MTA3: variants seen among roughly 807,000 people sequenced by gnomAD.
MTA3 encodes metastasis associated 1 family member 3, also known as metastasis-associated protein MTA3.
In MTA3, 34 loss-of-function variants were observed where a neutral mutation model predicts 83.5. That is an observed-to-expected ratio of 0.41 (90% CI 0.31 to 0.54). The LOEUF (loss-of-function observed/expected upper bound fraction) is 0.54. MTA3 is among the 20% of genes least tolerant of loss of function. The pLI is 0.33. For synonymous variants in MTA3, 303 were observed against 252.7 expected, an observed-to-expected ratio of 1.20 and a Z score of -1.89; for missense variants, 761 against 726.4, an observed-to-expected ratio of 1.05 and a Z score of -0.55.
chr2:42,659,657 C>G (rs1383853805), intron 7 of MTA3, 106 bp from the exon 8 acceptor site: 1 of 773,162 alleles, frequency 1.3e-6, no homozygotes, highest in Non-Finnish European at 1.8e-6. Flanking sequence ...TTTGCCTCTT[C>G]TTTTACAGTT....
intron 8 of MTA3, among the ~76,000 whole-genome samples, chr2:42,672,674 A>G (rs1327586023): frequency 5.1e-4 from 72 of 141,562 alleles, no homozygotes; most frequent in African/African-American, 1.7e-3. Context: ...AAAAAAAAAA[A>G]GTAATCAAAA....
At position 42,681,906 on chromosome 2, in the gene MTA3, A is replaced by G. The variant is rs527983602; in HGVS notation, c.703-495A>G. Among the ~76,000 whole-genome samples, 6 of 152,068 alleles carry G rather than the reference A, an allele frequency of 3.9e-5. No homozygotes were observed. In the East Asian group the frequency reaches 9.6e-4, roughly 24 times the overall value. ...AGCCTATCTCAAAAAAAGAAAGAAA[A>G]AAAAAAGGTAAATAAATAAAAAAAA... On this transcript the variant is annotated intron_variant, in intron 8 of 16. Coordinates refer to ENST00000405094, the MANE Select transcript of MTA3 (RefSeq NM_001330442.2).
intron 3 of MTA3, among the ~76,000 whole-genome samples, chr2:42,588,212 G>A (rs907154887): frequency 6.6e-6 from 1 of 152,094 alleles, no homozygotes; most frequent in Non-Finnish European, 1.5e-5. Context: ...CTTTCATTCT[G>A]TTCCTCATGT....
chr2:42,647,039 C>CCAGCTACT (rs1688263122), intron 6 of MTA3, among the ~76,000 whole-genome samples: 1 of 149,696 alleles, frequency 6.7e-6, no homozygotes. Flanking sequence ...GCCTATAGTC[C>CCAGCTACT]CAGCTACTCG....
chr2:42,544,703 A>T (rs1475331903), intron 2 of MTA3, among the ~76,000 whole-genome samples: 2 of 151,910 alleles, frequency 1.3e-5, no homozygotes, highest in Admixed American at 6.6e-5. Context: ...TAAAAAAAAC[A>T]GTGATATTCC....
chr2:42,658,469 G>A lies in MTA3; in HGVS notation c.603-1294G>A, dbSNP rs572706721. 8.5e-5 allele frequency among the ~76,000 whole-genome samples: 13 copies of A among 152,258 alleles called. No individual in the cohort carries two copies. In the South Asian group the frequency reaches 1.7e-3, roughly 19 times the overall value. On this transcript the variant is annotated intron_variant, in intron 7 of 16. Transcript: ENST00000405094. The stretch of plus-strand genomic sequence containing the variant: ...ATGAGACGTCGTACAACGGAATGTC[G>A]CGTAACAGGGAAAATGAGTGAATAC...
chr2:42,531,653 A>G (rs541492636), intron 2 of MTA3, among the ~76,000 whole-genome samples: 13 of 150,218 alleles, frequency 8.7e-5, no homozygotes, highest in Non-Finnish European at 1.8e-4. Context: ...AGGTTTCACC[A>G]TATTGGCCAG....
intron 10 of MTA3, among the ~76,000 whole-genome samples, chr2:42,697,510 A>G (rs1375748131): frequency 6.6e-6 from 1 of 152,214 alleles, no homozygotes; most frequent in African/African-American, 2.4e-5. Flanking sequence ...TCAGTCATAG[A>G]GGAATGGAAA....
intron 3 of MTA3, among the ~76,000 whole-genome samples, chr2:42,606,283 G>A (rs1184017936): frequency 6.1e-5 from 9 of 147,872 alleles, no homozygotes; most frequent in Admixed American, 4.7e-4. Flanking sequence ...GCCGGGCGGA[G>A]ACGCTCCTCA....
rs770203400 is a variant in MTA3, at chr2:42,609,504, C to G, written c.237C>G (p.Thr79=). 4.3e-6 allele frequency: 7 copies of G among 1,613,740 alleles called. No homozygotes were observed. In the South Asian group the frequency reaches 6.6e-5, roughly 15 times the overall value. Reference sequence around the variant, plus strand: ...AAACAACAGTTGAGGCTGACTTGACCGATAAGCAGAAACATCAGTTGAAAC... The same window carrying G: ...AAACAACAGTTGAGGCTGACTTGACGGATAAGCAGAAACATCAGTTGAAAC... ...ESETTVEADL[T]DKQKHQLKHR... is the part of the protein sequence containing the mutation. The change falls in exon 4 of 17, where the codon ACC becomes ACG. Residue 79 remains threonine (T), a synonymous_variant. Transcript: ENST00000405094.
intron 4 of MTA3, among the ~76,000 whole-genome samples, chr2:42,633,228 G>A (rs1037559476): frequency 6.6e-6 from 1 of 151,368 alleles, no homozygotes; most frequent in Non-Finnish European, 1.5e-5. Flanking sequence ...GCAGTGAGCC[G>A]AGATCGCACC....
chr2:42,646,299 C>A (rs2104323465), intron 6 of MTA3, among the ~76,000 whole-genome samples: 1 of 152,334 alleles, frequency 6.6e-6, no homozygotes, highest in Non-Finnish European at 1.5e-5. Flanking sequence ...GCTGAGACAA[C>A]ATCCATTCTG....
At chr2:42,563,776 A>ATTCATTCCTTCCTTCC (rs1176581774), upstream of MTA3, among the ~76,000 whole-genome samples, 6 of 114,378 alleles carry the variant, frequency 5.2e-5, no homozygotes, top group Admixed American at 9.8e-5. Flanking sequence ...TGGACCAAAC[A>ATTCATTCCTTCCTTCC]TTCCTTCCTT....
At position 42,664,466 on chromosome 2, in the gene MTA3, C is replaced by CTTT. The variant is rs35633597; in HGVS notation, c.702+4630_702+4632dup. Among the ~76,000 whole-genome samples, 147 of 85,758 alleles carry CTTT rather than the reference C, an allele frequency of 1.7e-3. 51 individuals carry two copies. Among genetic ancestry groups the CTTT allele is most frequent in the African/African-American group, 6.0e-3 (126 of 21,052 alleles). The allele number at this position is 85,758 out of a possible 152,430, so 56.3% of individuals were successfully genotyped here. A position where few individuals can be genotyped will look rare whatever the true frequency, so the allele number is the denominator to read the frequency against. On this transcript the variant is annotated intron_variant, in intron 8 of 16. Transcript: ENST00000405094. ...CCTACTACCCCCTCACCCCGCTTAC[C>CTTT]TTTTTTTTTTTTTTTTTTTTTTTTT...
chr2:42,648,260 T>A (rs1179968045), intron 6 of MTA3, among the ~76,000 whole-genome samples: 1 of 152,238 alleles, frequency 6.6e-6, no homozygotes, highest in Non-Finnish European at 1.5e-5. Context: ...AACTCCCATA[T>A]GTAGCTAGTA....
intron 16 of MTA3, among the ~76,000 whole-genome samples, chr2:42,729,790 C>T (rs1668121045): frequency 6.6e-6 from 1 of 152,144 alleles, no homozygotes; most frequent in African/African-American, 2.4e-5. Context: ...TTTGTGATTC[C>T]ATATAAATTT....
chr2:42,683,345 T>C (rs141151183), intron 9 of MTA3, among the ~76,000 whole-genome samples: 60 of 152,302 alleles, frequency 3.9e-4, no homozygotes, highest in African/African-American at 1.3e-3. Flanking sequence ...CTAAGCACAG[T>C]AGGAGAATTT....
At chr2:42,564,454 C>G (rs1183083800), upstream of MTA3, among the ~76,000 whole-genome samples, 2 of 152,220 alleles carry the variant, frequency 1.3e-5, no homozygotes, top group East Asian at 3.8e-4. Context: ...TGTTTCCTTT[C>G]TCCTTGGGGC....
At chr2:42,694,136 G>C (rs560804168) in intron 9 of MTA3, among the ~76,000 whole-genome samples, 1 of 152,308 alleles carries the variant, frequency 6.6e-6, no homozygotes, top group East Asian at 1.9e-4. Flanking sequence ...CAAGATGCAA[G>C]ACAAAGTCCT....
Sources: allele counts gnomAD v4.1 joint callset (sites outside exome capture counted in the v4.1 genomes callset), GRCh38; gene constraint gnomAD v4.1.1; transcripts MANE v1.5; gene names NCBI Gene and HGNC (gene_info 2026-07-23, HGNC 2026-07-21).